Variants in TBC1D2B observed in about 807,000 individuals in gnomAD.
TBC1D2B encodes TBC1 domain family, member 2B.
TBC1D2B carries 64 observed loss-of-function variants against 100.8 expected under a neutral mutation model. The ratio of observed to expected loss-of-function variants is 0.64; its 90% CI spans 0.52 to 0.78. The LOEUF (loss-of-function observed/expected upper bound fraction) is 0.78, where lower values mean the gene tolerates loss of function less well. Among genes scored for constraint, TBC1D2B ranks in the 30% least tolerant of loss-of-function variants. The pLI is 0.00. For missense variants in TBC1D2B, 1,052 were observed against 1,218.4 expected (o/e 0.86, Z 2.03); for synonymous variants, 480 against 479.7 (o/e 1.00, Z -0.01).
chr15:78,077,000 T>G (rs897318369), intron 1 of TBC1D2B, among the ~76,000 whole-genome samples: 1 of 151,996 alleles, frequency 6.6e-6, no homozygotes, highest in African/African-American at 2.4e-5. Context: ...CACGGGATGG[T>G]GGGGGTCGGG....
chr15:78,026,272 T>C (rs143796626), intron 4 of TBC1D2B, among the ~76,000 whole-genome samples: 298 of 152,256 alleles, frequency 2.0e-3, no homozygotes, highest in Admixed American at 4.0e-3. Flanking sequence ...AACAGGTGAT[T>C]AGGTCATGAG....
intron 2 of TBC1D2B, among the ~76,000 whole-genome samples, chr15:78,053,095 A>C (rs2073349664): frequency 6.6e-6 from 1 of 152,210 alleles, no homozygotes; most frequent in African/African-American, 2.4e-5. Flanking sequence ...TGGAGACGAA[A>C]AATTCATCTA....
At chr15:78,053,274 T>C (rs2073353291) in intron 2 of TBC1D2B, among the ~76,000 whole-genome samples, 1 of 152,232 alleles carries the variant, frequency 6.6e-6, no homozygotes, top group African/African-American at 2.4e-5. Context: ...TACTGTTGTC[T>C]ACTCCTTTTA....
At position 77,995,253 on chromosome 15, in the gene TBC1D2B, G is replaced by A. The variant is rs2071718357; in HGVS notation, c.*2907C>T. On this transcript the variant is annotated 3_prime_UTR_variant, in exon 13 of 13. Transcript: ENST00000300584. ...AGACAACACTATAGGATGGCAGGTG[G>A]GGATCTGTGCAATACAAACATGTAG... 6.6e-6 allele frequency: 1 copy of A among 152,206 alleles called. No homozygotes were observed. The highest frequency in any genetic ancestry group is 1.5e-5 in the Non-Finnish European group (1 of 68,046). The allele number at this position is 152,206 out of a possible 1,614,324, so 9.4% of individuals were successfully genotyped here.
At chr15:78,058,804 A>G (rs1370138079) in intron 1 of TBC1D2B, among the ~76,000 whole-genome samples, 4 of 152,208 alleles carry the variant, frequency 2.6e-5, no homozygotes, top group Admixed American at 6.5e-5. Context: ...TAGAAGAAAC[A>G]GTGACAAGGC....
At chr15:78,048,850 G>A (rs1018385397) in intron 2 of TBC1D2B, among the ~76,000 whole-genome samples, 3 of 152,172 alleles carry the variant, frequency 2.0e-5, no homozygotes, top group Non-Finnish European at 2.9e-5. Context: ...TAGGTGCTCC[G>A]CCAGCAACCT....
At chr15:78,015,938 G>C (rs145122553) in intron 8 of TBC1D2B, among the ~76,000 whole-genome samples, 18 of 152,276 alleles carry the variant, frequency 1.2e-4, no homozygotes, top group African/African-American at 3.8e-4. Context: ...GGGCCTACAG[G>C]GGTGGGGCAG....
intron 4 of TBC1D2B, among the ~76,000 whole-genome samples, chr15:78,027,224 C>T (rs759143536): frequency 1.3e-5 from 2 of 152,188 alleles, no homozygotes; most frequent in African/African-American, 2.4e-5. Context: ...TACAGTGGTT[C>T]CCTGGGGCGG....
At chr15:78,035,027 G>A (rs1330928879) in intron 3 of TBC1D2B, among the ~76,000 whole-genome samples, 1 of 152,152 alleles carries the variant, frequency 6.6e-6, no homozygotes, top group Non-Finnish European at 1.5e-5. Context: ...TTCTATGACA[G>A]TATTTGCTGT....
At position 78,012,810 on chromosome 15, in the gene TBC1D2B, G is replaced by C. The variant is rs767136041; in HGVS notation, c.2270+13C>G. On this transcript the variant is annotated intron_variant, in intron 9 of 12. Transcript: ENST00000300584. Reference sequence around the variant, plus strand: ...CTAATGGCAAATGGGAACATTTTGTGCTGTGCACCCACCTGTTTAGGCCTT... The same window carrying C: ...CTAATGGCAAATGGGAACATTTTGTCCTGTGCACCCACCTGTTTAGGCCTT... 1 of 1,476,642 alleles carries C rather than the reference G, an allele frequency of 6.8e-7. No individual in the cohort carries two copies. Among genetic ancestry groups the C allele is most frequent in the Non-Finnish European group, 9.0e-7 (1 of 1,113,192 alleles). 91.5% of individuals were successfully genotyped at this position (1,476,642 alleles called of 1,614,324 possible).
At chr15:78,011,644 GGTTT>G (rs140347382) in intron 9 of TBC1D2B, among the ~76,000 whole-genome samples, 12,273 of 127,496 alleles carry the variant, frequency 0.096, 930 homozygotes, top group Middle Eastern at 0.16. Flanking sequence ...CTAATTTTTT[GGTTT>G]TTTTTTTTTT....
chr15:78,013,484 G>GCTAGGAGGA (rs1446323984), intron 8 of TBC1D2B, among the ~76,000 whole-genome samples, 167 bp from the exon 9 acceptor site: 1 of 152,112 alleles, frequency 6.6e-6, no homozygotes, highest in Non-Finnish European at 1.5e-5. Flanking sequence ...AGTATATAAA[G>GCTAGGAGGA]CTAGGAGGAC....
chr15:78,024,064 C>T (rs1238947564), intron 6 of TBC1D2B, 92 bp downstream of exon 6: 8 of 1,452,652 alleles, frequency 5.5e-6, no homozygotes, highest in African/African-American at 2.8e-5. Flanking sequence ...GCTGTTCTGC[C>T]GTCACACCAA....
chr15:78,040,676 G>T (rs1447568844), intron 3 of TBC1D2B, among the ~76,000 whole-genome samples: 2 of 97,030 alleles, frequency 2.1e-5, no homozygotes, highest in Non-Finnish European at 3.8e-5. Flanking sequence ...GAAAGAAAAA[G>T]AAAAGAAAGA....
intron 3 of TBC1D2B, among the ~76,000 whole-genome samples, chr15:78,042,241 T>C (rs971160672): frequency 1.3e-5 from 2 of 152,144 alleles, no homozygotes; most frequent in African/African-American, 4.8e-5. Context: ...GCATTACAGG[T>C]CTATTTCCAC....
chr15:78,048,832 G>A (rs1006957469), intron 2 of TBC1D2B, among the ~76,000 whole-genome samples: 1 of 152,222 alleles, frequency 6.6e-6, no homozygotes, highest in Non-Finnish European at 1.5e-5. Context: ...TGCTGTCTCA[G>A]TCAGGCCTAG....
chr15:78,033,944 G>A (rs924602926), intron 3 of TBC1D2B, among the ~76,000 whole-genome samples: 2 of 152,210 alleles, frequency 1.3e-5, no homozygotes, highest in African/African-American at 2.4e-5. Flanking sequence ...GTATATGGAT[G>A]TATGGCCTTT....
chr15:78,012,882 A>C lies in TBC1D2B; in HGVS notation c.2211T>G (p.Asn737Lys), dbSNP rs1264975978. The C allele has an allele frequency of 6.6e-7, 1 of 1,521,592 alleles. No individual in the cohort carries two copies. The highest frequency in any genetic ancestry group is 1.4e-5 in the African/African-American group (1 of 71,940). 94.3% of individuals were successfully genotyped at this position (1,521,592 alleles called of 1,614,324 possible). Residue 737 changes from asparagine to lysine, a missense_variant, in exon 9 of 13, where the codon AAT becomes AAG. By Grantham distance (94) the Asn-to-Lys change is moderately conservative. Transcript: ENST00000300584. ...PTSEGIQKLR[N>K]VLLAFSWRNP... ...TCCGCCAGGAGAAGGCGAGGAGGACATTGCGTAACTTCTGTATGCCTTCTG... is the reference window on the plus strand; with the variant it reads ...TCCGCCAGGAGAAGGCGAGGAGGACCTTGCGTAACTTCTGTATGCCTTCTG...
In TBC1D2B at chr15:78,003,928, C is replaced by T. The variant is rs941239919; in HGVS notation, c.2389-438G>A. 9.9e-5 allele frequency among the ~76,000 whole-genome samples: 15 copies of T among 152,188 alleles called. 1 individual carries two copies. The highest frequency in any genetic ancestry group is 8.8e-5 in the Non-Finnish European group (6 of 68,036). ...CAAAAAGGAAGCAGCATCACCACATCCATTCAACAAACATTTGCTGGGCTG... is the reference window on the plus strand; with the variant it reads ...CAAAAAGGAAGCAGCATCACCACATTCATTCAACAAACATTTGCTGGGCTG... On this transcript the variant is annotated intron_variant, in intron 10 of 12. Coordinates refer to ENST00000300584, the MANE Select transcript of TBC1D2B (RefSeq NM_144572.2).
Sources: gnomAD v4.1 joint callset for allele counts (sites outside exome capture counted in the v4.1 genomes callset) on GRCh38, gnomAD v4.1.1 for gene constraint, MANE v1.5 for transcripts, NCBI Gene and HGNC (gene_info 2026-07-23, HGNC 2026-07-21) for gene names.